SCN3A: variants seen among roughly 807,000 people sequenced by gnomAD.
SCN3A encodes sodium channel protein type 3 subunit alpha.
SCN3A carries 60 observed loss-of-function variants against 187.6 expected under a neutral mutation model. That is an observed-to-expected ratio of 0.32 (90% CI 0.26 to 0.40). SCN3A has a LOEUF of 0.40. Ranked by LOEUF, SCN3A falls within the 10% of genes least tolerant of loss-of-function variation. The probability of loss-of-function intolerance (pLI) is 1.00; values close to 1 mark genes in which losing one functional copy is unlikely to be tolerated. For synonymous variants in SCN3A, 788 were observed against 829.2 expected, an observed-to-expected ratio of 0.95 and a Z score of 0.85; for missense variants, 1,601 against 2,428.2, an observed-to-expected ratio of 0.66 and a Z score of 7.16.
intron 21 of SCN3A, 121 bp from the exon 22 acceptor site, chr2:165,100,545 C>G (rs925184158): frequency 2.1e-6 from 2 of 931,600 alleles, no homozygotes; most frequent in Admixed American, 4.3e-5. Context: ...TGGCAACTTT[C>G]ATCTTCCACA....
At position 165,138,150 on chromosome 2, in the gene SCN3A, TAAC is replaced by T. The variant is rs763286144; in HGVS notation, c.2153-36_2153-34del. ...GACAATAACAAGGAAGAGTAGTAAA[TAAC>T]AACAAAAATGAGTTATTATTGCTAG... On this transcript the variant is annotated intron_variant, in intron 14 of 27. Coordinates refer to ENST00000283254, the MANE Select transcript of SCN3A (RefSeq NM_006922.4). The T allele has an allele frequency of 1.1e-5, 17 of 1,490,130 alleles. No individual in the cohort carries two copies. In the East Asian group the frequency reaches 1.4e-4, roughly 12 times the overall value. 92.3% of individuals were successfully genotyped at this position (1,490,130 alleles called of 1,614,324 possible).
At chr2:165,164,186 A>T (rs1345808375) in intron 6 of SCN3A, among the ~76,000 whole-genome samples, 3 of 152,202 alleles carry the variant, frequency 2.0e-5, no homozygotes, top group African/African-American at 7.2e-5. Context: ...AGACTATATG[A>T]CATGAAGATA....
At chr2:165,107,941 C>T (rs1288646525) in intron 21 of SCN3A, among the ~76,000 whole-genome samples, 1 of 152,148 alleles carries the variant, frequency 6.6e-6, no homozygotes, top group Non-Finnish European at 1.5e-5. Flanking sequence ...AACTTGGGTA[C>T]CAAATCCAGC....
At chr2:165,171,068 T>A (rs1690073588) in intron 3 of SCN3A, among the ~76,000 whole-genome samples, 1 of 152,038 alleles carries the variant, frequency 6.6e-6, no homozygotes, top group Non-Finnish European at 1.5e-5. Context: ...TCTCAGCTAA[T>A]ACTGAAGAGA....
intron 6 of SCN3A, among the ~76,000 whole-genome samples, chr2:165,164,159 C>T (rs1387229503): frequency 6.6e-6 from 1 of 152,160 alleles, no homozygotes; most frequent in Non-Finnish European, 1.5e-5. Context: ...TGAATAACTT[C>T]ATTTTGATGA....
In SCN3A at chr2:165,090,699, A is replaced by T; in HGVS notation, c.5454T>A (p.Ala1818=). 1 of 1,614,118 alleles carries T rather than the reference A, an allele frequency of 6.2e-7. No individual in the cohort carries two copies. ...CTATGAGAAGAGGAGGATCCAGGGC[A>T]GCTGCAAAATCAGAGAGTTTAGAGA... is the stretch of plus-strand genomic sequence containing the variant. ...IEFSKLSDFA[A]ALDPPLLIAK... is the part of the protein sequence containing the mutation. Residue 1818 remains alanine, a synonymous_variant, in exon 28 of 28, where the codon GCT becomes GCA. Transcript: ENST00000283254. This position sits in a 1 kb window ranked among gnomAD's most constrained non-coding sequence, Gnocchi z 4.0.
At chr2:165,157,615 A>G (rs1265394471) in intron 9 of SCN3A, among the ~76,000 whole-genome samples, 2 of 152,116 alleles carry the variant, frequency 1.3e-5, no homozygotes, top group Non-Finnish European at 2.9e-5. Flanking sequence ...TTCCTTTTCC[A>G]TATGTGCTCT....
intron 24 of SCN3A, 30 bp downstream of exon 24, chr2:165,096,437 A>G: frequency 3.2e-6 from 5 of 1,558,798 alleles, no homozygotes; most frequent in Non-Finnish European, 4.4e-6. Context: ...GAAATCTAGA[A>G]CCTATAAATA....
chr2:165,146,468 T>C (rs2023225), intron 12 of SCN3A, among the ~76,000 whole-genome samples: 32,695 of 147,114 alleles, frequency 0.22, 3,697 homozygotes, highest in East Asian at 0.3. Context: ...ATATATAGGT[T>C]ATATCAATAT....
Position 165,162,370 on chromosome 2 carries a change from A to C in SCN3A, c.969T>G (p.Ser323Arg). ...FNWKDYIGDD[S>R]HFYVLDGQKD... ...TTTGCCCATCCAAAACATAAAAGTG[A>C]CCTGTTAATACAAAAAAAAACCCAT... Residue 323 changes from serine (S) to arginine (R), a missense_variant and splice_region_variant, in exon 9 of 28, where the codon AGT becomes AGG. Ser to Arg is a moderately radical substitution (Grantham distance 110). Coordinates refer to ENST00000283254, the MANE Select transcript of SCN3A (RefSeq NM_006922.4). 6.2e-7 allele frequency: 1 copy of C among 1,613,414 alleles called. No homozygotes were observed.
intron 4 of SCN3A, among the ~76,000 whole-genome samples, chr2:165,169,698 T>C (rs556925816): frequency 2.0e-5 from 3 of 152,068 alleles, no homozygotes; most frequent in African/African-American, 7.2e-5. Flanking sequence ...TAAGTTTATA[T>C]AGAAGCCTGC....
intron 11 of SCN3A, 60 bp from the exon 12 acceptor site, chr2:165,147,089 T>G: frequency 6.3e-7 from 1 of 1,593,944 alleles, no homozygotes; most frequent in Non-Finnish European, 8.6e-7. Context: ...CAGTTGAGTA[T>G]GGTTAAAATA....
intron 3 of SCN3A, among the ~76,000 whole-genome samples, chr2:165,173,673 C>A (rs1055558850): frequency 4.6e-5 from 7 of 151,990 alleles, no homozygotes; most frequent in Admixed American, 4.6e-4. Context: ...TTTTAAATGC[C>A]TTTTACTTGT....
intron 18 of SCN3A, among the ~76,000 whole-genome samples, chr2:165,124,931 A>G (rs1375260388): frequency 1.3e-5 from 2 of 152,120 alleles, no homozygotes; most frequent in African/African-American, 2.4e-5. Flanking sequence ...TTAAAATACC[A>G]CTTTCCAATT....
intron 12 of SCN3A, among the ~76,000 whole-genome samples, chr2:165,146,385 T>A (rs1194000831): frequency 2.6e-5 from 1 of 39,122 alleles, no homozygotes; most frequent in Non-Finnish European, 4.9e-5. Flanking sequence ...TATATATATG[T>A]GTGTGTGTGT....
chr2:165,090,454 T>C lies in SCN3A; in HGVS notation c.5699A>G (p.Glu1900Gly), dbSNP rs747096151. ...CTGAATGATAGCGGCAGACACCTCC[T>C]CTTGTTTACGTTTCAAAGTGGTTGT... is the stretch of plus-strand genomic sequence containing the variant. The part of the protein sequence containing the change: ...PITTTLKRKQ[E>G]EVSAAIIQRN... Residue 1900 changes from glutamate (E) to glycine (G), a missense_variant, in exon 28 of 28, where the codon GAG becomes GGG. This residue lies in a region of SCN3A where 110 missense variants were observed against 175.9 expected (regional missense o/e 0.63). Coordinates refer to ENST00000283254, the MANE Select transcript of SCN3A (RefSeq NM_006922.4). This position sits in a 1 kb window ranked among gnomAD's most constrained non-coding sequence, Gnocchi z 4.0. The C allele has an allele frequency of 1.3e-5, 21 of 1,613,940 alleles. No individual in the cohort carries two copies. Among genetic ancestry groups the C allele is most frequent in the Non-Finnish European group, 1.5e-5 (18 of 1,179,964 alleles).
chr2:165,163,647 C>T lies in SCN3A; in HGVS notation c.665G>A (p.Arg222Gln), dbSNP rs755792980. The T allele has an allele frequency of 2.2e-5, 35 of 1,613,928 alleles. 1 individual carries two copies. Among genetic ancestry groups the T allele is most frequent in the Admixed American group, 1.7e-4 (10 of 59,962 alleles). ...AATGACTGAAATTGTTTTCAGTGCT[C>T]GGAGAACTCTGAATGTTCTCAACGC... ...VSALRTFRVLRALKTISVIPG... is the reference protein window; with the variant it reads ...VSALRTFRVLQALKTISVIPG... Residue 222 changes from arginine to glutamine, a missense_variant, in exon 7 of 28, where the codon CGA becomes CAA. This residue lies in a region of SCN3A where 122 missense variants were observed against 225.1 expected (regional missense o/e 0.54). Coordinates refer to ENST00000283254, the MANE Select transcript of SCN3A (RefSeq NM_006922.4).
chr2:165,121,828 G>A (rs538444172), intron 18 of SCN3A, among the ~76,000 whole-genome samples: 4 of 152,216 alleles, frequency 2.6e-5, no homozygotes, highest in South Asian at 4.2e-4. Flanking sequence ...AGCTCATTAC[G>A]CCACAAATCT....
chr2:165,093,587 G>A (rs1194982430), intron 26 of SCN3A: 1 of 152,176 alleles, frequency 6.6e-6, no homozygotes, highest in African/African-American at 2.4e-5. Context: ...AGGTCATGAA[G>A]TGACCATGTT....
Sources: allele counts gnomAD v4.1 joint callset (sites outside exome capture counted in the v4.1 genomes callset), GRCh38; gene constraint gnomAD v4.1.1; regional missense constraint gnomAD v4.1.1; non-coding constraint Gnocchi (gnomAD v3.1); transcripts MANE v1.5; gene names NCBI Gene and HGNC (gene_info 2026-07-23, HGNC 2026-07-21).